The following ANKIB1 variants were observed in gnomAD, a reference collection of about 807,000 sequenced individuals.
ANKIB1 encodes ankyrin repeat and IBR domain containing 1, also known as ankyrin repeat and IBR domain-containing protein 1.
Under a neutral mutation model 122.1 loss-of-function variants are expected in ANKIB1, and 43 were observed. The observed-to-expected ratio is 0.35, with a 90% CI of 0.28 to 0.45. The LOEUF (loss-of-function observed/expected upper bound fraction) is 0.45. Ranked by LOEUF, ANKIB1 falls within the 20% of genes least tolerant of loss-of-function variation. The pLI is 1.00. For synonymous variants in ANKIB1, 390 were observed against 442.0 expected, an observed-to-expected ratio of 0.88 and a Z score of 1.48; for missense variants, 992 against 1,329.5, an observed-to-expected ratio of 0.75 and a Z score of 3.95.
chr7:92,325,116 G>A lies in ANKIB1; in HGVS notation c.670-2667G>A, dbSNP rs114957191. ...ATTAGCGAGTATTAGACCTAGGTTG[G>A]GGTCAGATTCTGTAGGAGCAGGACT... is the stretch of plus-strand genomic sequence containing the variant. On this transcript the variant is annotated intron_variant, in intron 4 of 19. Coordinates refer to ENST00000265742, the MANE Select transcript of ANKIB1 (RefSeq NM_019004.2). 5.7e-3 allele frequency among the ~76,000 whole-genome samples: 863 copies of A among 152,292 alleles called. 11 individuals carry two copies. Among genetic ancestry groups the A allele is most frequent in the African/African-American group, 0.02 (832 of 41,558 alleles).
intron 7 of ANKIB1, 113 bp from the exon 8 acceptor site, chr7:92,350,837 A>G: frequency 9.5e-7 from 1 of 1,050,228 alleles, no homozygotes; most frequent in Non-Finnish European, 1.3e-6. Context: ...AACCTGAGTG[A>G]TGGAATGAGA....
intron 11 of ANKIB1, among the ~76,000 whole-genome samples, chr7:92,379,857 C>G (rs548779415): frequency 6.6e-6 from 1 of 152,252 alleles, no homozygotes; most frequent in African/African-American, 2.4e-5. Flanking sequence ...TTCTGCATTT[C>G]CAGCTGAGGT....
intron 1 of ANKIB1, among the ~76,000 whole-genome samples, chr7:92,278,016 G>A (rs549491076): frequency 5.5e-4 from 84 of 151,876 alleles, no homozygotes; most frequent in African/African-American, 9.2e-4. Flanking sequence ...CCTGGGAGGC[G>A]GAGGTTGCAG....
chr7:92,350,894 T>C, intron 7 of ANKIB1, 56 bp from the exon 8 acceptor site: 8 of 1,487,580 alleles, frequency 5.4e-6, no homozygotes, highest in Non-Finnish European at 7.2e-6. Context: ...ATTCTTAGAA[T>C]GTATGCACAA....
At chr7:92,313,813 T>G (rs1180243108) in intron 3 of ANKIB1, among the ~76,000 whole-genome samples, 2 of 152,164 alleles carry the variant, frequency 1.3e-5, no homozygotes, top group Admixed American at 6.5e-5. Context: ...GTTTAGCAAG[T>G]TCTCCTGGTG....
At chr7:92,248,424 T>C (rs1198667000) in intron 1 of ANKIB1, among the ~76,000 whole-genome samples, 1 of 152,230 alleles carries the variant, frequency 6.6e-6, no homozygotes, top group East Asian at 1.9e-4. Flanking sequence ...CTTTCTTTTC[T>C]GGGGTATGCA....
chr7:92,328,596 A>G (rs565819341), intron 5 of ANKIB1, among the ~76,000 whole-genome samples: 1 of 152,276 alleles, frequency 6.6e-6, no homozygotes, highest in Admixed American at 6.5e-5. Context: ...CTGGTTTCAT[A>G]GAAAAGTATT....
chr7:92,367,356 G>A (rs1169121967), intron 10 of ANKIB1, among the ~76,000 whole-genome samples: 1 of 152,050 alleles, frequency 6.6e-6, no homozygotes, highest in Non-Finnish European at 1.5e-5. Context: ...TTTAGGGCGA[G>A]GATTAAAGTG....
chr7:92,277,432 C>A (rs1255104171), intron 1 of ANKIB1, among the ~76,000 whole-genome samples: 2 of 152,144 alleles, frequency 1.3e-5, no homozygotes, highest in Admixed American at 1.3e-4. Context: ...TCAGATATAA[C>A]CCCATCATAA....
intron 1 of ANKIB1, among the ~76,000 whole-genome samples, chr7:92,250,189 T>G (rs1432417007): frequency 1.3e-5 from 2 of 151,664 alleles, no homozygotes; most frequent in Non-Finnish European, 2.9e-5. Context: ...AGGTCAGGAG[T>G]TCGAGACCAG....
chr7:92,298,457 C>T lies in ANKIB1; in HGVS notation c.188+3291C>T, dbSNP rs552124136. ...AACCAAGTGGTAAAATACTTTTTAA[C>T]CCCTTATAGTAGAGTTTACAAATAT... is the stretch of plus-strand genomic sequence containing the variant. On this transcript the variant is annotated intron_variant, in intron 2 of 19. Coordinates refer to ENST00000265742, the MANE Select transcript of ANKIB1 (RefSeq NM_019004.2). Among the ~76,000 whole-genome samples, 3 of 151,766 alleles carry T rather than the reference C, an allele frequency of 2.0e-5. No individual in the cohort carries two copies. The East Asian group carries it at 5.8e-4, about 29-fold the overall frequency.
chr7:92,319,467 G>C lies in ANKIB1; in HGVS notation c.624G>C (p.Glu208Asp). Residue 208 changes from glutamate (E) to aspartate (D), a missense_variant, in exon 4 of 20, where the codon GAG becomes GAC. By Grantham distance (45) the Glu-to-Asp change is conservative. This residue lies in a region of ANKIB1 where 521 missense variants were observed against 777.7 expected (regional missense o/e 0.67). Transcript: ENST00000265742. The part of the protein sequence containing the change: ...ESQMVFSRDP[E>D]AEEIEAEYAA... ...AAATGGTATTCTCACGGGATCCCGA[G>C]GCTGAAGAAATAGAAGCTGAATATG... 6.2e-7 allele frequency: 1 copy of C among 1,612,890 alleles called. No homozygotes were observed. Among genetic ancestry groups the C allele is most frequent in the Non-Finnish European group, 8.5e-7 (1 of 1,179,534 alleles).
chr7:92,332,405 A>G (rs1258194665), intron 5 of ANKIB1, among the ~76,000 whole-genome samples: 1 of 152,196 alleles, frequency 6.6e-6, no homozygotes, highest in Non-Finnish European at 1.5e-5. Flanking sequence ...TTTGAGTATT[A>G]TACTGTGTTA....
At chr7:92,328,856 A>G (rs187183831) in intron 5 of ANKIB1, among the ~76,000 whole-genome samples, 2 of 150,388 alleles carry the variant, frequency 1.3e-5, no homozygotes, top group Admixed American at 6.6e-5. Flanking sequence ...ATTGATCACC[A>G]CTGTTAATAA....
chr7:92,286,620 C>G (rs1390686430), intron 1 of ANKIB1, among the ~76,000 whole-genome samples: 1 of 151,884 alleles, frequency 6.6e-6, no homozygotes, highest in African/African-American at 2.4e-5. Context: ...GGTGGGATTA[C>G]AGGCATGCAC....
chr7:92,248,197 G>T (rs1294325973), intron 1 of ANKIB1, among the ~76,000 whole-genome samples: 4 of 152,160 alleles, frequency 2.6e-5, no homozygotes, highest in Non-Finnish European at 1.5e-5. Context: ...GGATGGGGAA[G>T]ATAGAACTAT....
rs1429389032 is a variant in ANKIB1 at position 92,400,931 on chromosome 7, A to G, written c.*1982A>G. On this transcript the variant is annotated 3_prime_UTR_variant, in exon 20 of 20. Transcript: ENST00000265742. ...TTTAGACCAAGTTGTAATTTTTCCA[A>G]TATAGAGTCTTTGCATCACACTGAG... The G allele has an allele frequency of 2.0e-5, 3 of 152,232 alleles. No individual in the cohort carries two copies. The highest frequency in any genetic ancestry group is 2.1e-4 in the South Asian group (1 of 4,820). 9.4% of individuals were successfully genotyped at this position (152,232 alleles called of 1,614,324 possible). A position where few individuals can be genotyped will look rare whatever the true frequency, so the allele number is the denominator to read the frequency against.
At chr7:92,316,420 A>G (rs1214409607) in intron 3 of ANKIB1, among the ~76,000 whole-genome samples, 2 of 152,222 alleles carry the variant, frequency 1.3e-5, no homozygotes, top group African/African-American at 2.4e-5. Flanking sequence ...TTTTTAACAC[A>G]TTCTTCTCAA....
At chr7:92,363,061 A>G (rs1409977771) in intron 10 of ANKIB1, among the ~76,000 whole-genome samples, 3 of 152,184 alleles carry the variant, frequency 2.0e-5, no homozygotes, top group African/African-American at 7.2e-5. Context: ...TTTAAAAAAA[A>G]AAAAAGACTT....
Sources: allele counts gnomAD v4.1 joint callset (sites outside exome capture counted in the v4.1 genomes callset), GRCh38; gene constraint gnomAD v4.1.1; regional missense constraint gnomAD v4.1.1; transcripts MANE v1.5; gene names NCBI Gene and HGNC (gene_info 2026-07-23, HGNC 2026-07-21).